Variants in AHI1 observed in about 807,000 individuals in gnomAD.
AHI1 encodes the protein Abelson helper integration site 1.
AHI1 carries 123 observed loss-of-function variants against 149.3 expected under a neutral mutation model. That is an observed-to-expected ratio of 0.82 (90% CI 0.71 to 0.96). The LOEUF (loss-of-function observed/expected upper bound fraction) is 0.96, where lower values mean the gene tolerates loss of function less well. AHI1 is among the 40% of genes least tolerant of loss of function. AHI1 has a pLI of 0.00. For synonymous variants in AHI1, 475 were observed against 459.8 expected (o/e 1.03, Z -0.42); for missense variants, 1,439 against 1,422.7 (o/e 1.01, Z -0.18).
At chr6:135,350,140 C>A (rs1376229915) in intron 24 of AHI1, among the ~76,000 whole-genome samples, 1 of 152,152 alleles carries the variant, frequency 6.6e-6, no homozygotes, top group African/African-American at 2.4e-5. Context: ...GTAACATATC[C>A]ACAGGGCTAA....
intron 24 of AHI1, among the ~76,000 whole-genome samples, chr6:135,348,264 T>G (rs572770904): frequency 1.3e-4 from 20 of 152,340 alleles, no homozygotes; most frequent in African/African-American, 4.6e-4. Flanking sequence ...AACCTTTGAT[T>G]AAATTTCTCC....
At chr6:135,425,229 T>C (rs996188176) in intron 20 of AHI1, among the ~76,000 whole-genome samples, 13 of 152,022 alleles carry the variant, frequency 8.6e-5, no homozygotes, top group African/African-American at 3.1e-4. Flanking sequence ...TGTCTACTAT[T>C]TGAATATTTA....
chr6:135,340,438 G>GA (rs1326133200), intron 24 of AHI1, among the ~76,000 whole-genome samples: 1 of 150,834 alleles, frequency 6.6e-6, no homozygotes, highest in Non-Finnish European at 1.5e-5. Context: ...CTGGGTTACT[G>GA]AAAAAATAAA....
intron 13 of AHI1, among the ~76,000 whole-genome samples, chr6:135,446,512 T>C (rs1337152257): frequency 6.6e-6 from 1 of 152,148 alleles, no homozygotes; most frequent in East Asian, 1.9e-4. Context: ...GTGGGGGTCT[T>C]TGGGAGGTAA....
At chr6:135,305,534 A>G (rs1453013079) in intron 26 of AHI1, among the ~76,000 whole-genome samples, 2 of 152,336 alleles carry the variant, frequency 1.3e-5, no homozygotes, top group East Asian at 3.9e-4. Context: ...AGATGTTTCA[A>G]TTAGAAAGTC....
At chr6:135,432,472 C>T (rs1028164642) in intron 16 of AHI1, among the ~76,000 whole-genome samples, 3 of 152,116 alleles carry the variant, frequency 2.0e-5, no homozygotes, top group African/African-American at 4.8e-5. Context: ...CCTGTCCCAG[C>T]CTCCCAAGTA....
chr6:135,298,647 A>G (rs1267710002), intron 27 of AHI1, among the ~76,000 whole-genome samples: 2 of 152,242 alleles, frequency 1.3e-5, no homozygotes, highest in East Asian at 1.9e-4. Flanking sequence ...GTAAGTAGGG[A>G]AAGTCCAAAA....
chr6:135,437,351 T>G (rs1235091626), intron 15 of AHI1, among the ~76,000 whole-genome samples: 1 of 152,214 alleles, frequency 6.6e-6, no homozygotes, highest in Admixed American at 6.5e-5. Context: ...CATATTTTTC[T>G]CTAGTATGGC....
chr6:135,477,319 C>T lies in AHI1; in HGVS notation c.136-9685G>A, dbSNP rs9494249. On this transcript the variant is annotated intron_variant, in intron 5 of 28. Coordinates refer to ENST00000265602, the MANE Select transcript of AHI1 (RefSeq NM_001134831.2). The stretch of plus-strand genomic sequence containing the variant: ...CCTCCCAAAATGCTGGGATTACAGG[C>T]GTGAGCCACCATGCCCGGCCCTCTC... 6.6e-5 allele frequency among the ~76,000 whole-genome samples: 10 copies of T among 152,314 alleles called. No individual in the cohort carries two copies. In the East Asian group the frequency reaches 7.7e-4, roughly 12 times the overall value.
intron 20 of AHI1, among the ~76,000 whole-genome samples, chr6:135,420,201 T>C (rs1562724765): frequency 6.6e-6 from 1 of 152,176 alleles, no homozygotes; most frequent in African/African-American, 2.4e-5. Context: ...TGTCCATATT[T>C]TGACTTCCTC....
intron 28 of AHI1, among the ~76,000 whole-genome samples, chr6:135,287,051 A>G (rs1474251768): frequency 6.6e-6 from 1 of 152,216 alleles, no homozygotes; most frequent in Non-Finnish European, 1.5e-5. Flanking sequence ...AGGATCTTAC[A>G]GGAAGAATAA....
chr6:135,472,845 A>T (rs140837289), intron 5 of AHI1, among the ~76,000 whole-genome samples: 2 of 152,158 alleles, frequency 1.3e-5, no homozygotes, highest in South Asian at 2.1e-4. Flanking sequence ...GTTTGTTTTC[A>T]TATCAGTGAG....
intron 26 of AHI1, among the ~76,000 whole-genome samples, chr6:135,314,993 G>A (rs555080191): frequency 6.6e-6 from 1 of 152,136 alleles, no homozygotes; most frequent in Non-Finnish European, 1.5e-5. Context: ...TATTTGAAGG[G>A]GTGGAGATTG....
chr6:135,403,596 G>T (rs769920829), intron 22 of AHI1, among the ~76,000 whole-genome samples: 1 of 152,144 alleles, frequency 6.6e-6, no homozygotes, highest in African/African-American at 2.4e-5. Context: ...AGAGTATGCA[G>T]TACATTTGTT....
intron 23 of AHI1, among the ~76,000 whole-genome samples, chr6:135,380,453 A>G (rs1298934424): frequency 2.0e-5 from 3 of 152,180 alleles, no homozygotes; most frequent in Non-Finnish European, 4.4e-5. Context: ...TGGGGACTTG[A>G]GCATCCAAGG....
At position 135,428,655 on chromosome 6, in the gene AHI1, A is replaced by G. The variant is rs767680809; in HGVS notation, c.2597T>C (p.Ile866Thr). 6.2e-7 allele frequency: 1 copy of G among 1,608,980 alleles called. No homozygotes were observed. The highest frequency in any genetic ancestry group is 1.7e-5 in the Admixed American group (1 of 59,590). Residue 866 changes from isoleucine (I) to threonine (T), a missense_variant, in exon 19 of 29, where the codon ATA (isoleucine) becomes ACA (threonine). Coordinates refer to ENST00000265602, the MANE Select transcript of AHI1 (RefSeq NM_001134831.2). ...TGTTTCTGGGTTCCAAACATACACT[A>G]TACCATCCTCACTTCCAGCAAACAG... ...TFLFAGSEDGIVYVWNPETGE... is the reference protein window; with the variant it reads ...TFLFAGSEDGTVYVWNPETGE...
At chr6:135,296,552 G>C (rs898696231) in intron 27 of AHI1, among the ~76,000 whole-genome samples, 8 of 152,124 alleles carry the variant, frequency 5.3e-5, no homozygotes, top group Admixed American at 3.3e-4. Context: ...AGGGTAACAG[G>C]TATGCTTCTG....
intron 23 of AHI1, among the ~76,000 whole-genome samples, chr6:135,371,441 T>C (rs1251364373): frequency 6.6e-6 from 1 of 152,212 alleles, no homozygotes; most frequent in East Asian, 1.9e-4. Context: ...TATTTTTCCT[T>C]TACCTAGGAA....
chr6:135,302,218 C>T (rs1163794696), intron 26 of AHI1: 1 of 985,174 alleles, frequency 1.0e-6, no homozygotes, highest in Non-Finnish European at 1.2e-6. Flanking sequence ...CAGCAACTTA[C>T]CATCAATATA....
Sources: gnomAD v4.1 joint callset for allele counts (sites outside exome capture counted in the v4.1 genomes callset) on GRCh38, gnomAD v4.1.1 for gene constraint, MANE v1.5 for transcripts, NCBI Gene and HGNC (gene_info 2026-07-23, HGNC 2026-07-21) for gene names.